TRAPPC10: variants seen among roughly 807,000 people sequenced by gnomAD.
The protein encoded by TRAPPC10 is trafficking protein particle complex subunit 10.
In TRAPPC10, 23 loss-of-function variants were observed where a neutral mutation model predicts 125.5. The observed-to-expected ratio is 0.18, with a 90% CI of 0.13 to 0.26. The LOEUF is 0.26. Ranked by LOEUF, TRAPPC10 falls within the 10% of genes least tolerant of loss-of-function variation. The probability of loss-of-function intolerance (pLI) is 1.00; values close to 1 mark genes in which losing one functional copy is unlikely to be tolerated. For synonymous variants in TRAPPC10, 509 were observed against 518.0 expected (o/e 0.98, Z 0.24); for missense variants, 1,123 against 1,308.4 (o/e 0.86, Z 2.19).
chr21:44,012,806 T>TGGAACCCGGC (rs1275814896), intron 1 of TRAPPC10, among the ~76,000 whole-genome samples: 1 of 151,388 alleles, frequency 6.6e-6, no homozygotes, highest in Non-Finnish European at 1.5e-5. Flanking sequence ...TTGGAGCCGG[T>TGGAACCCGGC]GGAACCCGGC....
chr21:44,068,821 TG>T (rs2036645644), intron 7 of TRAPPC10, among the ~76,000 whole-genome samples: 1 of 152,042 alleles, frequency 6.6e-6, no homozygotes, highest in South Asian at 2.1e-4. Context: ...AGGCTGGTCT[TG>T]AACTCCTGAG....
In TRAPPC10 at chr21:44,063,041, C is replaced by A; in HGVS notation, c.791-497C>A. On this transcript the variant is annotated intron_variant, in intron 6 of 22. Coordinates refer to ENST00000291574, the MANE Select transcript of TRAPPC10 (RefSeq NM_003274.5). This position sits in a 1 kb window ranked among gnomAD's most constrained non-coding sequence, Gnocchi z 4.4. ...TGTGCTGCTACCAAGTCCTCCCTGTCCCTTCCTCCAGGAGCTTGACTCAGG... is the reference window on the plus strand; with the variant it reads ...TGTGCTGCTACCAAGTCCTCCCTGTACCTTCCTCCAGGAGCTTGACTCAGG... 1 of 1,304,368 alleles carries A rather than the reference C, an allele frequency of 7.7e-7. No individual in the cohort carries two copies. The highest frequency in any genetic ancestry group is 1.0e-6 in the Non-Finnish European group (1 of 989,084). The allele number at this position is 1,304,368 out of a possible 1,614,324, so 80.8% of individuals were successfully genotyped here.
intron 1 of TRAPPC10, among the ~76,000 whole-genome samples, chr21:44,029,726 C>A (rs893118120): frequency 6.6e-6 from 1 of 152,174 alleles, no homozygotes; most frequent in Non-Finnish European, 1.5e-5. Context: ...CCTCATGGGG[C>A]CTTCCTGCGT....
chr21:44,056,666 T>C (rs2035617209), intron 5 of TRAPPC10, among the ~76,000 whole-genome samples: 1 of 152,106 alleles, frequency 6.6e-6, no homozygotes, highest in Non-Finnish European at 1.5e-5. Flanking sequence ...TTAGACAACA[T>C]AGCTCTCTTC....
intron 1 of TRAPPC10, among the ~76,000 whole-genome samples, chr21:44,026,403 C>G (rs2033076490): frequency 6.6e-6 from 1 of 152,148 alleles, no homozygotes; most frequent in African/African-American, 2.4e-5. Context: ...CATTATTGAA[C>G]AGGCTGAGAT....
In TRAPPC10 at chr21:44,057,565, C is replaced by G. The variant is rs56340987; in HGVS notation, c.679-1538C>G. 1.8e-3 allele frequency among the ~76,000 whole-genome samples: 275 copies of G among 152,210 alleles called. 1 individual carries two copies. The highest frequency in any genetic ancestry group is 6.8e-3 in the Middle Eastern group (2 of 294). On this transcript the variant is annotated intron_variant, in intron 5 of 22. Coordinates refer to ENST00000291574, the MANE Select transcript of TRAPPC10 (RefSeq NM_003274.5). ...CTCGCAAAGTGCTGGAATTACAAGCCTGAGCCACTGCACCCGGCCTGAGCT... is the reference window on the plus strand; with the variant it reads ...CTCGCAAAGTGCTGGAATTACAAGCGTGAGCCACTGCACCCGGCCTGAGCT...
intron 3 of TRAPPC10, among the ~76,000 whole-genome samples, chr21:44,041,363 A>G (rs1487084213): frequency 6.6e-6 from 1 of 151,800 alleles, no homozygotes; most frequent in Non-Finnish European, 1.5e-5. Context: ...ATTGAGGTAT[A>G]TTAAGTGGTC....
intron 1 of TRAPPC10, among the ~76,000 whole-genome samples, chr21:44,030,225 A>G (rs764853652): frequency 1.3e-5 from 2 of 150,400 alleles, no homozygotes; most frequent in African/African-American, 4.9e-5. Context: ...CAAAGATAGA[A>G]TGTGAGAGAG....
chr21:44,071,299 A>G (rs1457637458), intron 7 of TRAPPC10, among the ~76,000 whole-genome samples: 1 of 152,230 alleles, frequency 6.6e-6, no homozygotes, highest in African/African-American at 2.4e-5. Flanking sequence ...TGGTGGTTAC[A>G]TTTGTAAAAA....
chr21:44,054,052 T>C (rs1318481364), intron 4 of TRAPPC10, among the ~76,000 whole-genome samples: 2 of 152,226 alleles, frequency 1.3e-5, no homozygotes, highest in African/African-American at 4.8e-5. Flanking sequence ...TTCACCCCTG[T>C]AGGCGCACAG....
chr21:44,074,594 G>GGAT, intron 8 of TRAPPC10, 124 bp downstream of exon 8: 3 of 1,284,040 alleles, frequency 2.3e-6, no homozygotes, highest in Non-Finnish European at 3.2e-6. Flanking sequence ...CCACTTTAGT[G>GGAT]GCCCTAGAAG....
chr21:44,089,365 G>T, intron 17 of TRAPPC10: 1 of 360,668 alleles, frequency 2.8e-6, no homozygotes, highest in South Asian at 2.0e-5. Flanking sequence ...TTGGTTTTCA[G>T]TTACATATTC....
chr21:44,014,580 T>A (rs2031587400), intron 1 of TRAPPC10, among the ~76,000 whole-genome samples: 1 of 128,566 alleles, frequency 7.8e-6, no homozygotes, highest in Non-Finnish European at 1.5e-5. Context: ...TAATTTTTTG[T>A]TTGTTTGTTT....
chr21:44,038,424 C>T (rs1168937726), intron 3 of TRAPPC10, among the ~76,000 whole-genome samples: 1 of 151,722 alleles, frequency 6.6e-6, no homozygotes, highest in East Asian at 2.0e-4. Flanking sequence ...TCTGTTGTTT[C>T]TTCTGCTTGT....
At chr21:44,047,202 A>C (rs879358630) in intron 3 of TRAPPC10, among the ~76,000 whole-genome samples, 6 of 151,890 alleles carry the variant, frequency 4.0e-5, no homozygotes, top group Non-Finnish European at 7.4e-5. Flanking sequence ...TTTATTTTTG[A>C]GGCAGGGTGT....
chr21:44,072,974 C>A (rs190147081), intron 7 of TRAPPC10, among the ~76,000 whole-genome samples: 1 of 152,212 alleles, frequency 6.6e-6, no homozygotes, highest in Non-Finnish European at 1.5e-5. Context: ...GCTCATCAAT[C>A]GGAGGGACAC....
intron 1 of TRAPPC10, among the ~76,000 whole-genome samples, chr21:44,024,437 C>T (rs1049399055): frequency 1.4e-4 from 22 of 152,224 alleles, no homozygotes; most frequent in African/African-American, 4.1e-4. Context: ...GAACATCACA[C>T]GATTGCTCAC....
At chr21:44,085,005 G>T (rs895937312) in intron 15 of TRAPPC10, among the ~76,000 whole-genome samples, 1 of 152,214 alleles carries the variant, frequency 6.6e-6, no homozygotes, top group Non-Finnish European at 1.5e-5. Flanking sequence ...AAGCTCTCCA[G>T]ACCCTGTCCT....
At chr21:44,089,983 T>A in intron 18 of TRAPPC10, 50 bp downstream of exon 18, 2 of 1,414,942 alleles carry the variant, frequency 1.4e-6, no homozygotes, top group Non-Finnish European at 9.9e-7. Flanking sequence ...CAGACTCTTC[T>A]AAGTGGAGGT....
Sources: allele counts gnomAD v4.1 joint callset (sites outside exome capture counted in the v4.1 genomes callset), GRCh38; gene constraint gnomAD v4.1.1; non-coding constraint Gnocchi (gnomAD v3.1); transcripts MANE v1.5; gene names NCBI Gene and HGNC (gene_info 2026-07-23, HGNC 2026-07-21).